ZNF469: variants seen among roughly 807,000 people sequenced by gnomAD.
ZNF469 encodes the protein zinc finger protein 469.
Under a neutral mutation model 1.0 loss-of-function variants are expected in ZNF469, and 1 was observed. That is an observed-to-expected ratio of 1.00 (90% confidence interval 0.35 to 4.73). The LOEUF (loss-of-function observed/expected upper bound fraction) is 4.73, where lower values mean the gene tolerates loss of function less well. Ranked by LOEUF, ZNF469 falls within the 30% of genes most tolerant of loss-of-function variation. ZNF469 has a pLI of 0.16. For synonymous variants in ZNF469, 2,703 were observed against 2,363.4 expected, an observed-to-expected ratio of 1.14 and a Z score of -4.17; for missense variants, 6,100 against 5,356.3, an observed-to-expected ratio of 1.14 and a Z score of -4.33.
At chr16:88,417,622 G>A (rs1374472030) in intron 1 of ZNF469, among the ~76,000 whole-genome samples, 1 of 152,220 alleles carries the variant, frequency 6.6e-6, no homozygotes, top group East Asian at 1.9e-4. Flanking sequence ...TACACCCTTT[G>A]GGCAGGGGAG....
chr16:88,153,661 G>A, the ZNF469 span, among the ~76,000 whole-genome samples: 62 of 152,378 alleles, frequency 4.1e-4, no homozygotes, highest in Middle Eastern at 3.4e-3. Flanking sequence ...AAGGCACACA[G>A]CCCCGGGTGC....
the ZNF469 span, among the ~76,000 whole-genome samples, chr16:88,247,051 G>GTGAATGAA: frequency 1.0e-5 from 1 of 100,268 alleles, no homozygotes; most frequent in Non-Finnish European, 1.9e-5. Context: ...GAATGAATGA[G>GTGAATGAA]TGAGTGATTG....
the ZNF469 span, among the ~76,000 whole-genome samples, chr16:88,136,165 T>G: frequency 6.6e-6 from 1 of 152,190 alleles, no homozygotes; most frequent in African/African-American, 2.4e-5. Flanking sequence ...CCAGAGGTGC[T>G]GTGAAATTCA....
Position 88,420,003 on chromosome 16 carries a change from C to G in ZNF469, c.-191-4804C>G, listed in dbSNP as rs1279018701. ...CTGGCTGCAGGTGGGGGCCAGATCC[C>G]AACTGCAGGTTCAGCTCTCAGCCAT... On this transcript the variant is annotated intron_variant, in intron 1 of 2. Coordinates refer to ENST00000565624, the MANE Select transcript of ZNF469 (RefSeq NM_001367624.2). Among the ~76,000 whole-genome samples, 3 of 152,236 alleles carry G rather than the reference C, an allele frequency of 2.0e-5. No individual in the cohort carries two copies. The East Asian group carries it at 5.8e-4, about 29-fold the overall frequency.
chr16:88,383,956 G>A (rs2092531740), intron 1 of ZNF469, among the ~76,000 whole-genome samples: 1 of 152,206 alleles, frequency 6.6e-6, no homozygotes. Context: ...AGGCCAATGG[G>A]GCTCGGGGGA....
chr16:88,298,754 G>A, the ZNF469 span, among the ~76,000 whole-genome samples: 5 of 152,200 alleles, frequency 3.3e-5, no homozygotes, highest in East Asian at 3.9e-4. Context: ...GGCACCTCCC[G>A]AGACAGGAGC....
chr16:88,161,298 C>A, the ZNF469 span, among the ~76,000 whole-genome samples: 1 of 152,150 alleles, frequency 6.6e-6, no homozygotes, highest in Admixed American at 6.5e-5. Flanking sequence ...CGGTGACGAT[C>A]TGTGGGGCGG....
At chr16:88,256,938 CTTT>C in the ZNF469 span, among the ~76,000 whole-genome samples, 1 of 14,586 alleles carries the variant, frequency 6.9e-5, no homozygotes, top group Admixed American at 9.7e-4. Flanking sequence ...TTCTTTCTTT[CTTT>C]CTTTCTTTCT....
rs887217256 is a variant in ZNF469 at position 88,415,878 on chromosome 16, G to A, written c.-191-8929G>A. On this transcript the variant is annotated intron_variant, in intron 1 of 2. Coordinates refer to ENST00000565624, the MANE Select transcript of ZNF469 (RefSeq NM_001367624.2). ...CCGGCACACAGTCGGTGCTCATAGT[G>A]TCCTTCCTCAAGCTGGGGCGGCAGG... Among the ~76,000 whole-genome samples the A allele has an allele frequency of 5.9e-5, 9 of 152,210 alleles. No individual in the cohort carries two copies. In the South Asian group the frequency reaches 6.2e-4, roughly 11 times the overall value.
the ZNF469 span, among the ~76,000 whole-genome samples, chr16:88,366,056 A>C: frequency 6.6e-6 from 1 of 151,846 alleles, no homozygotes; most frequent in Non-Finnish European, 1.5e-5. Context: ...TATAAAGTAA[A>C]TGCTGATAAA....
the ZNF469 span, among the ~76,000 whole-genome samples, chr16:88,265,149 A>G: frequency 6.6e-6 from 1 of 152,092 alleles, no homozygotes; most frequent in African/African-American, 2.4e-5. Context: ...TTTAGCCAGC[A>G]ATGGGGAGTC....
At chr16:88,163,059 AGATG>A in the ZNF469 span, among the ~76,000 whole-genome samples, 6 of 151,898 alleles carry the variant, frequency 4.0e-5, no homozygotes, top group Middle Eastern at 3.4e-3. Context: ...GTGGGTGGGT[AGATG>A]GATGGATGGA....
Position 88,435,362 on chromosome 16 carries a change from C to A in ZNF469, c.7892C>A (p.Ser2631Ter). 1 of 1,550,306 alleles carries A rather than the reference C, an allele frequency of 6.5e-7. No homozygotes were observed. Among genetic ancestry groups the A allele is most frequent in the South Asian group, 1.2e-5 (1 of 84,054 alleles). Residue 2631 changes from serine to a stop codon, truncating the protein, a stop_gained, in exon 3 of 3, where the codon TCA becomes TAA. Coordinates refer to ENST00000565624, the MANE Select transcript of ZNF469 (RefSeq NM_001367624.2). LOFTEE classifies it low-confidence loss of function (END_TRUNC). ...VDSPSHSEGKSNKKRGKLRGR... is the reference protein window; with the variant it reads ...VDSPSHSEGK ...TCTCCTAGCCACTCAGAGGGGAAGTCAAATAAGAAAAGGGGAAAGCTGAGA... is the reference window on the plus strand; with the variant it reads ...TCTCCTAGCCACTCAGAGGGGAAGTAAAATAAGAAAAGGGGAAAGCTGAGA...
At chr16:88,425,212 C>T (rs917192841) in intron 2 of ZNF469, among the ~76,000 whole-genome samples, 3 of 152,188 alleles carry the variant, frequency 2.0e-5, no homozygotes, top group African/African-American at 7.2e-5. Flanking sequence ...CCATCCAGGA[C>T]TCCGTAAAGG....
chr16:88,261,312 C>G, the ZNF469 span, among the ~76,000 whole-genome samples: 6 of 152,326 alleles, frequency 3.9e-5, no homozygotes, highest in South Asian at 1.2e-3. The surrounding 1 kb of genome is among the most constrained non-coding windows in gnomAD (Gnocchi z 6.0). Flanking sequence ...CACACGGCAC[C>G]ACCTGCCCCT....
chr16:88,261,665 G>C, the ZNF469 span, among the ~76,000 whole-genome samples: 1 of 152,138 alleles, frequency 6.6e-6, no homozygotes, highest in Non-Finnish European at 1.5e-5. This position sits in a 1 kb window ranked among gnomAD's most constrained non-coding sequence, Gnocchi z 6.0. Context: ...CTTTGACACA[G>C]AAAGTCCACC....
At chr16:88,108,654 G>A in the ZNF469 span, among the ~76,000 whole-genome samples, 1 of 152,336 alleles carries the variant, frequency 6.6e-6, no homozygotes, top group East Asian at 1.9e-4. Context: ...AAAGCAGGTG[G>A]TGGTGACGCT....
chr16:88,299,939 GT>G, the ZNF469 span, among the ~76,000 whole-genome samples: 62 of 152,304 alleles, frequency 4.1e-4, no homozygotes, highest in African/African-American at 1.5e-3. Context: ...CCTTTTCTTT[GT>G]GTGGTGGCAT....
chr16:88,101,812 G>C, the ZNF469 span, among the ~76,000 whole-genome samples: 1 of 152,230 alleles, frequency 6.6e-6, no homozygotes, highest in Non-Finnish European at 1.5e-5. Flanking sequence ...GAATGAAAGT[G>C]ACAATCGCAG....
Sources: allele counts gnomAD v4.1 joint callset (sites outside exome capture counted in the v4.1 genomes callset), GRCh38; gene constraint gnomAD v4.1.1; non-coding constraint Gnocchi (gnomAD v3.1); transcripts MANE v1.5; gene names NCBI Gene and HGNC (gene_info 2026-07-23, HGNC 2026-07-21).